PRKG1: variants seen among roughly 807,000 people sequenced by gnomAD.
PRKG1 encodes the protein cGMP-dependent protein kinase 1.
Under a neutral mutation model 88.1 loss-of-function variants are expected in PRKG1, and 35 were observed. That is an observed-to-expected ratio of 0.40 (90% CI 0.30 to 0.53). PRKG1 has a LOEUF of 0.53. PRKG1 is among the 20% of genes least tolerant of loss of function. The pLI is 0.59. For missense variants in PRKG1, 540 were observed against 839.8 expected (o/e 0.64, Z 4.41); for synonymous variants, 303 against 292.5 (o/e 1.04, Z -0.37).
intron 2 of PRKG1, among the ~76,000 whole-genome samples, chr10:51,464,997 T>A (rs907379298): frequency 6.6e-6 from 1 of 152,004 alleles, no homozygotes; most frequent in Non-Finnish European, 1.5e-5. Flanking sequence ...CTGGCTGTAA[T>A]GCCATATGAA....
intron 1 of PRKG1, among the ~76,000 whole-genome samples, chr10:51,097,670 A>G (rs1162944333): frequency 6.6e-6 from 1 of 152,080 alleles, no homozygotes. Flanking sequence ...CACTTCCAAC[A>G]AGGATTGCAG....
At chr10:51,284,065 C>T (rs886704543) in intron 2 of PRKG1, among the ~76,000 whole-genome samples, 5 of 152,064 alleles carry the variant, frequency 3.3e-5, no homozygotes, top group African/African-American at 1.2e-4. Flanking sequence ...TGATGCTGGA[C>T]TATAATATGA....
chr10:51,155,098 C>T (rs1044304422), intron 2 of PRKG1, among the ~76,000 whole-genome samples: 6 of 152,038 alleles, frequency 3.9e-5, no homozygotes, highest in African/African-American at 1.2e-4. Context: ...TTTACTTCAT[C>T]TGTTTTCCAG....
rs1223752198 is a variant in PRKG1 at position 51,176,207 on chromosome 10, A to G, written c.478+22877A>G. Among the ~76,000 whole-genome samples the G allele has an allele frequency of 3.9e-5, 6 of 152,284 alleles. No homozygotes were observed. The East Asian group carries it at 1.2e-3, about 29-fold the overall frequency. On this transcript the variant is annotated intron_variant, in intron 2 of 17. Transcript: ENST00000373980. Reference sequence around the variant, plus strand: ...TATCTCATTAAATCCTAACAACTCTATGAAATAGATGTTAGACTCATTTCA... The same window carrying G: ...TATCTCATTAAATCCTAACAACTCTGTGAAATAGATGTTAGACTCATTTCA...
chr10:51,104,703 TTTA>T (rs993763593), intron 1 of PRKG1, among the ~76,000 whole-genome samples: 11 of 120,032 alleles, frequency 9.2e-5, no homozygotes, highest in African/African-American at 3.1e-4. Context: ...TTTTATTTTA[TTTA>T]TTTATTTATT....
intron 4 of PRKG1, among the ~76,000 whole-genome samples, chr10:51,878,680 AAGG>A (rs1273827083): frequency 1.3e-5 from 2 of 152,162 alleles, no homozygotes; most frequent in Non-Finnish European, 2.9e-5. Context: ...GTCTCACCAG[AAGG>A]AGAATACCAA....
chr10:51,708,547 C>T (rs1201857360), intron 3 of PRKG1, among the ~76,000 whole-genome samples: 1 of 152,200 alleles, frequency 6.6e-6, no homozygotes, highest in Non-Finnish European at 1.5e-5. Context: ...TCCCTCTTCG[C>T]TGCATCTCTT....
At chr10:51,683,370 C>A (rs1309464367) in intron 3 of PRKG1, among the ~76,000 whole-genome samples, 1 of 152,030 alleles carries the variant, frequency 6.6e-6, no homozygotes, top group Non-Finnish European at 1.5e-5. Flanking sequence ...GATACAGCTT[C>A]ATATCTGAAT....
At chr10:51,195,260 A>G (rs1837733393) in intron 2 of PRKG1, among the ~76,000 whole-genome samples, 1 of 152,190 alleles carries the variant, frequency 6.6e-6, no homozygotes, top group Non-Finnish European at 1.5e-5. Flanking sequence ...TTTTAGTTAT[A>G]TTTGTGGTAT....
intron 2 of PRKG1, among the ~76,000 whole-genome samples, chr10:51,395,788 C>T (rs959028815): frequency 6.6e-6 from 1 of 152,082 alleles, no homozygotes; most frequent in African/African-American, 2.4e-5. Flanking sequence ...TTGACCATAT[C>T]CTGCTAAGTA....
At chr10:51,921,543 G>T (rs891525413) in intron 5 of PRKG1, among the ~76,000 whole-genome samples, 1 of 152,044 alleles carries the variant, frequency 6.6e-6, no homozygotes, top group Non-Finnish European at 1.5e-5. Context: ...TTAGCCGTAG[G>T]CTCTTTGTAG....
chr10:52,249,913 C>T (rs186722610), intron 9 of PRKG1, among the ~76,000 whole-genome samples: 50 of 152,266 alleles, frequency 3.3e-4, no homozygotes, highest in East Asian at 1.4e-3. Flanking sequence ...CCAACAAACA[C>T]GTGGATTATT....
chr10:51,183,507 G>A (rs780848649), intron 2 of PRKG1, among the ~76,000 whole-genome samples: 10 of 151,836 alleles, frequency 6.6e-5, no homozygotes, highest in Non-Finnish European at 1.5e-4. Context: ...TTTATTGCAC[G>A]TGGTCACATT....
intron 14 of PRKG1, among the ~76,000 whole-genome samples, chr10:52,288,246 C>A (rs1399838289): frequency 1.3e-5 from 2 of 152,006 alleles, no homozygotes; most frequent in Non-Finnish European, 2.9e-5. Context: ...TAAGTAACAC[C>A]ATGAGGTAGG....
intron 5 of PRKG1, among the ~76,000 whole-genome samples, chr10:51,983,818 G>T (rs1299956504): frequency 6.6e-6 from 1 of 152,206 alleles, no homozygotes; most frequent in Non-Finnish European, 1.5e-5. Flanking sequence ...GCCTTTGCCA[G>T]TTCAACTCAC....
At chr10:51,862,959 C>G (rs1840922981) in intron 4 of PRKG1, among the ~76,000 whole-genome samples, 2 of 152,192 alleles carry the variant, frequency 1.3e-5, no homozygotes, top group South Asian at 4.2e-4. Flanking sequence ...ACTGATAGCA[C>G]ATAAATTTTA....
chr10:52,183,819 G>A (rs1170427892), intron 9 of PRKG1, among the ~76,000 whole-genome samples: 1 of 152,218 alleles, frequency 6.6e-6, no homozygotes, highest in East Asian at 1.9e-4. Flanking sequence ...TGAATTCATG[G>A]CAGCTCTTCA....
chr10:51,309,223 C>G (rs1218495020), intron 2 of PRKG1, among the ~76,000 whole-genome samples: 1 of 152,108 alleles, frequency 6.6e-6, no homozygotes, highest in Non-Finnish European at 1.5e-5. Context: ...ATCTTAGTAA[C>G]CAACACAAGT....
chr10:51,129,893 C>T (rs1329036173), intron 1 of PRKG1, among the ~76,000 whole-genome samples: 3 of 152,122 alleles, frequency 2.0e-5, no homozygotes, highest in Non-Finnish European at 4.4e-5. Flanking sequence ...CTTCCAGGAG[C>T]CTCAAGGTGT....
Sources: gnomAD v4.1 joint callset for allele counts (sites outside exome capture counted in the v4.1 genomes callset) on GRCh38, gnomAD v4.1.1 for gene constraint, MANE v1.5 for transcripts, NCBI Gene and HGNC (gene_info 2026-07-23, HGNC 2026-07-21) for gene names.